Variants in SYNRG observed in about 807,000 individuals in gnomAD.
SYNRG encodes the protein AP1 gamma subunit binding protein 1.
Under a neutral mutation model 130.9 loss-of-function variants are expected in SYNRG, and 37 were observed. The ratio of observed to expected loss-of-function variants is 0.28; its 90% CI spans 0.22 to 0.37. The LOEUF (loss-of-function observed/expected upper bound fraction) is 0.37. Ranked by LOEUF, SYNRG falls within the 10% of genes least tolerant of loss-of-function variation. SYNRG has a pLI of 1.00. For synonymous variants in SYNRG, 539 were observed against 568.1 expected (o/e 0.95, Z 0.73); for missense variants, 1,338 against 1,588.9 (o/e 0.84, Z 2.68).
Position 37,570,742 on chromosome 17 carries a change from G to C in SYNRG, c.1242C>G (p.Pro414=), listed in dbSNP as rs774734031. Residue 414 remains proline (P), a synonymous_variant, in exon 10 of 22, where the codon CCC becomes CCG. Coordinates refer to ENST00000612223, the MANE Select transcript of SYNRG (RefSeq NM_007247.6). The part of the protein sequence containing the change: ...VIPSGPAGSM[P]LSLGQPVMGI... Reference sequence around the variant, plus strand: ...CCATGACTGGCTGTCCAAGGCTGAGGGGCATGGAGCCCGCAGGACCTGAAG... The same window carrying C: ...CCATGACTGGCTGTCCAAGGCTGAGCGGCATGGAGCCCGCAGGACCTGAAG... 1 of 1,614,202 alleles carries C rather than the reference G, an allele frequency of 6.2e-7. No homozygotes were observed. Among genetic ancestry groups the C allele is most frequent in the East Asian group, 2.2e-5 (1 of 44,882 alleles).
chr17:37,582,743 C>T (rs1265574349), intron 6 of SYNRG, among the ~76,000 whole-genome samples: 2 of 151,948 alleles, frequency 1.3e-5, no homozygotes, highest in Non-Finnish European at 2.9e-5. Flanking sequence ...CATCTGTAGT[C>T]CCGGTTACTC....
intron 3 of SYNRG, among the ~76,000 whole-genome samples, chr17:37,589,928 T>C (rs1196467418): frequency 1.3e-5 from 2 of 152,042 alleles, no homozygotes; most frequent in East Asian, 1.9e-4. Context: ...CCCAGCACTT[T>C]GGGAGGCTGA....
At chr17:37,603,173 A>G (rs1456341885) in intron 1 of SYNRG, among the ~76,000 whole-genome samples, 4 of 152,170 alleles carry the variant, frequency 2.6e-5, no homozygotes, top group Admixed American at 6.5e-5. Context: ...CCGGGAGTCA[A>G]GGATCTGAAA....
At chr17:37,600,601 T>C (rs573795049) in intron 1 of SYNRG, 198 bp from the exon 2 acceptor site, 16 of 701,280 alleles carry the variant, frequency 2.3e-5, no homozygotes, top group Non-Finnish European at 3.7e-5. Context: ...CGGAAACTTG[T>C]TGAAACAAAA....
At chr17:37,579,200 A>G in intron 6 of SYNRG, 1 of 1,233,368 alleles carries the variant, frequency 8.1e-7, no homozygotes, top group Non-Finnish European at 1.0e-6. Context: ...GACGCCATGT[A>G]AGGCAAAAGG....
intron 17 of SYNRG, among the ~76,000 whole-genome samples, chr17:37,538,630 C>T (rs577741079): frequency 6.6e-6 from 1 of 152,266 alleles, no homozygotes; most frequent in African/African-American, 2.4e-5. Context: ...GAGTCTCGCT[C>T]TGTAGCACAG....
At chr17:37,574,968 TA>T in intron 8 of SYNRG, among the ~76,000 whole-genome samples, 1 of 152,030 alleles carries the variant, frequency 6.6e-6, no homozygotes, top group East Asian at 1.9e-4. Context: ...AATTCAGCCA[TA>T]AAAAAAATTG....
intron 15 of SYNRG, 84 bp downstream of exon 15, chr17:37,541,888 A>G: frequency 7.8e-7 from 1 of 1,274,394 alleles, no homozygotes; most frequent in Non-Finnish European, 1.1e-6. Context: ...GCGAAACCAG[A>G]GAGCAACATT....
intron 19 of SYNRG, among the ~76,000 whole-genome samples, chr17:37,525,896 GTGGAGGT>G (rs2055835464): frequency 6.6e-6 from 1 of 152,172 alleles, no homozygotes; most frequent in South Asian, 2.1e-4. Context: ...AACCCAGGAG[GTGGAGGT>G]TGAAGTGAGC....
In SYNRG at chr17:37,599,336, T is replaced by C. The variant is rs182103526; in HGVS notation, c.118+1027A>G. ...TCAAAATTATATTCCTTCACTACTA[T>C]TTCCTTGAAGATAAAGCTAGAATTG... On this transcript the variant is annotated intron_variant, in intron 2 of 21. Transcript: ENST00000612223. 2.2e-3 allele frequency among the ~76,000 whole-genome samples: 342 copies of C among 152,344 alleles called. 4 individuals carry two copies. The highest frequency in any genetic ancestry group is 7.7e-3 in the African/African-American group (320 of 41,576).
chr17:37,559,202 G>A (rs1033143594), intron 13 of SYNRG, among the ~76,000 whole-genome samples: 5 of 152,156 alleles, frequency 3.3e-5, no homozygotes, highest in Non-Finnish European at 7.4e-5. Context: ...ATGTAAGACA[G>A]TACTGTAATA....
intron 6 of SYNRG, among the ~76,000 whole-genome samples, chr17:37,584,064 A>C (rs1406954305): frequency 2.0e-5 from 3 of 152,194 alleles, no homozygotes; most frequent in Admixed American, 6.5e-5. Context: ...TCAACTGCTA[A>C]ATGTTCAAAA....
chr17:37,591,564 C>T (rs762305124), intron 3 of SYNRG, among the ~76,000 whole-genome samples: 8 of 152,066 alleles, frequency 5.3e-5, no homozygotes, highest in Non-Finnish European at 7.4e-5. Flanking sequence ...GTATAGCTAC[C>T]GTCATGAAGA....
At chr17:37,559,496 C>G (rs1343864386) in intron 13 of SYNRG, among the ~76,000 whole-genome samples, 1 of 152,170 alleles carries the variant, frequency 6.6e-6, no homozygotes, top group Non-Finnish European at 1.5e-5. Context: ...TTCAGACCAG[C>G]CTGGCCAACA....
At position 37,536,007 on chromosome 17, in the gene SYNRG, A is replaced by T; in HGVS notation, c.3638T>A (p.Ile1213Asn). 1.2e-6 allele frequency: 2 copies of T among 1,614,018 alleles called. No homozygotes were observed. The highest frequency in any genetic ancestry group is 3.3e-4 in the Middle Eastern group (2 of 6,062). The change falls in exon 19 of 22, where the codon ATC becomes AAC. Residue 1213 changes from isoleucine (I) to asparagine (N), a missense_variant. Ile to Asn is a moderately radical substitution (Grantham distance 149, BLOSUM62 -3). This residue lies in a region of SYNRG where 1,146 missense variants were observed against 1,342.3 expected (regional missense o/e 0.85). Coordinates refer to ENST00000612223, the MANE Select transcript of SYNRG (RefSeq NM_007247.6). ...GAGTGTGGCGAGTGACATGAAGCCG[A>T]TTAGGTTATTCCATACTTTATCGAT... ...KDIDKVWNNL[I>N]GFMSLATLTP...
Position 37,582,586 on chromosome 17 carries a change from C to A in SYNRG, c.589+2062G>T, listed in dbSNP as rs189099730. Among the ~76,000 whole-genome samples the A allele has an allele frequency of 8.5e-5, 13 of 152,268 alleles. No individual in the cohort carries two copies. The East Asian group carries it at 1.5e-3, about 18-fold the overall frequency. The stretch of plus-strand genomic sequence containing the variant: ...TATAAAAGTTAAATGATGGGCCAGG[C>A]ACAGTTGCTCACACCTGTAATCCTA... On this transcript the variant is annotated intron_variant, in intron 6 of 21. Coordinates refer to ENST00000612223, the MANE Select transcript of SYNRG (RefSeq NM_007247.6).
intron 14 of SYNRG, among the ~76,000 whole-genome samples, chr17:37,550,904 CAG>C (rs1417832269): frequency 6.6e-6 from 1 of 152,078 alleles, no homozygotes; most frequent in Non-Finnish European, 1.5e-5. Context: ...TAAATTTAGT[CAG>C]GGGGAAAAAA....
chr17:37,569,112 T>C (rs950552512), intron 10 of SYNRG, among the ~76,000 whole-genome samples, 188 bp from the exon 11 acceptor site: 5 of 152,126 alleles, frequency 3.3e-5, no homozygotes, highest in African/African-American at 9.6e-5. Flanking sequence ...AAAGACTGGT[T>C]TAAATAGCTA....
At chr17:37,604,973 T>C (rs1216200644) in intron 1 of SYNRG, among the ~76,000 whole-genome samples, 1 of 152,158 alleles carries the variant, frequency 6.6e-6, no homozygotes, top group Admixed American at 6.5e-5. Context: ...TCCAAAACAA[T>C]TACACTAGTA....
Sources: allele counts gnomAD v4.1 joint callset (sites outside exome capture counted in the v4.1 genomes callset), GRCh38; gene constraint gnomAD v4.1.1; regional missense constraint gnomAD v4.1.1; transcripts MANE v1.5; gene names NCBI Gene and HGNC (gene_info 2026-07-23, HGNC 2026-07-21).